The following SMG1 variants were observed in gnomAD, a reference collection of about 807,000 sequenced individuals.
The protein encoded by SMG1 is serine/threonine-protein kinase SMG1.
In SMG1, 22 loss-of-function variants were observed where a neutral mutation model predicts 419.9. The ratio of observed to expected loss-of-function variants is 0.05; its 90% CI spans 0.04 to 0.07. The LOEUF is 0.07. Among genes scored for constraint, SMG1 ranks in the 10% least tolerant of loss-of-function variants. SMG1 has a pLI of 1.00. For missense variants in SMG1, 3,185 were observed against 4,342.0 expected (o/e 0.73, Z 7.49); for synonymous variants, 1,538 against 1,553.5 (o/e 0.99, Z 0.23).
In SMG1 at chr16:18,869,168, G is replaced by T. The variant is rs1183808159; in HGVS notation, c.2769C>A (p.Phe923Leu). The change falls in exon 20 of 63, where the codon TTC becomes TTA. Residue 923 changes from phenylalanine to leucine, a missense_variant. Coordinates refer to ENST00000446231, the MANE Select transcript of SMG1 (RefSeq NM_015092.5). ...WQWAIWEAAQFTVLSKLRTPL... is the reference protein window; with the variant it reads ...WQWAIWEAAQLTVLSKLRTPL... ...GGGTTCTCAGCTTAGAAAGAACAGT[G>T]AATTGTGCAGCTTCCCATATGGCCC... is the stretch of plus-strand genomic sequence containing the variant. The T allele has an allele frequency of 6.2e-7, 1 of 1,611,566 alleles. No homozygotes were observed. The highest frequency in any genetic ancestry group is 8.5e-7 in the Non-Finnish European group (1 of 1,179,614).
chr16:18,827,741 TA>T (rs1239307121), intron 55 of SMG1, among the ~76,000 whole-genome samples: 4 of 145,162 alleles, frequency 2.8e-5, no homozygotes, highest in African/African-American at 5.0e-5. Flanking sequence ...CCAAAATATA[TA>T]TTTTTATATA....
In SMG1 at chr16:18,848,023, A is replaced by T. The variant is rs748189566; in HGVS notation, c.5634T>A (p.Phe1878Leu). 1.4e-5 allele frequency: 22 copies of T among 1,613,218 alleles called. No homozygotes were observed. The highest frequency in any genetic ancestry group is 1.9e-5 in the Non-Finnish European group (22 of 1,179,308). Residue 1878 changes from phenylalanine (F) to leucine (L), a missense_variant, in exon 37 of 63, where the codon TTT becomes TTA. Physicochemically the swap from Phe to Leu is conservative, Grantham distance 22. Transcript: ENST00000446231. ...CAAGTAAAGTTGGAATTGCAGTGGA[A>T]AATTTATTTCCTGTAATGAAATAGG... ...SSESQASGNK[F>L]STAIPTLLGN...
chr16:18,827,391 A>G (rs2032767025), intron 55 of SMG1, among the ~76,000 whole-genome samples: 1 of 149,492 alleles, frequency 6.7e-6, no homozygotes, highest in African/African-American at 2.5e-5. Context: ...GTGCCACTGC[A>G]CTCCAACCTG....
At position 18,838,546 on chromosome 16, in the gene SMG1, A is replaced by G; in HGVS notation, c.7084+5T>C. The G allele has an allele frequency of 6.2e-7, 1 of 1,613,760 alleles. No individual in the cohort carries two copies. Among genetic ancestry groups the G allele is most frequent in the Non-Finnish European group, 8.5e-7 (1 of 1,179,662 alleles). Reference sequence around the variant, plus strand: ...TCATAAATGTAAAGTCTACTTTTATATTACCTTTTTCAAAGCAAACATTGT... The same window carrying G: ...TCATAAATGTAAAGTCTACTTTTATGTTACCTTTTTCAAAGCAAACATTGT... On this transcript the variant is annotated splice_donor_5th_base_variant and intron_variant, in intron 43 of 62. Transcript: ENST00000446231.
At chr16:18,919,855 A>T (rs1257208721) in intron 1 of SMG1, among the ~76,000 whole-genome samples, 3 of 151,950 alleles carry the variant, frequency 2.0e-5, no homozygotes, top group Admixed American at 2.0e-4. Context: ...TAATCCCAGC[A>T]CTCTGAGAAG....
intron 19 of SMG1, among the ~76,000 whole-genome samples, 188 bp downstream of exon 19, chr16:18,869,664 ATT>A (rs1188367790): frequency 1.3e-5 from 2 of 151,956 alleles, no homozygotes; most frequent in Non-Finnish European, 2.9e-5. Context: ...TTCAAAGCCC[ATT>A]TTTGTTTCTA....
chr16:18,864,730 G>A lies in SMG1; in HGVS notation c.3351-586C>T, dbSNP rs543514864. 5.3e-5 allele frequency among the ~76,000 whole-genome samples: 8 copies of A among 152,194 alleles called. No homozygotes were observed. In the South Asian group the frequency reaches 1.7e-3, roughly 32 times the overall value. On this transcript the variant is annotated intron_variant, in intron 23 of 62. Coordinates refer to ENST00000446231, the MANE Select transcript of SMG1 (RefSeq NM_015092.5). ...GGACTCAAGCAATCCGCTCACCTCA[G>A]TCTCCCCAAGTACTGGGATTTCAGG...
chr16:18,812,212 G>A, intron 60 of SMG1, 85 bp from the exon 61 acceptor site: 1 of 1,279,660 alleles, frequency 7.8e-7, no homozygotes, highest in East Asian at 2.3e-5. Flanking sequence ...ATAGGTGGTA[G>A]TGGTTGATAC....
At position 18,849,104 on chromosome 16, in the gene SMG1, A is replaced by AAAC. The variant is rs1555493200; in HGVS notation, c.5623+110_5623+112dup. On this transcript the variant is annotated intron_variant, in intron 36 of 62. Transcript: ENST00000446231. ...AAAAAAAAAAAAAAAAAAAAAAAAA[A>AAAC]AACCCTACAAACTCTAACAACTCTG... The AAAC allele has an allele frequency of 4.2e-4, 110 of 262,630 alleles. 24 individuals are homozygous for AAAC. Among genetic ancestry groups the AAAC allele is most frequent in the Admixed American group, 8.4e-4 (12 of 14,308 alleles). The allele number at this position is 262,630 out of a possible 1,614,324, so 16.3% of individuals were successfully genotyped here.
intron 25 of SMG1, among the ~76,000 whole-genome samples, chr16:18,862,103 TTTC>T (rs1335167353): frequency 6.6e-6 from 1 of 152,144 alleles, no homozygotes; most frequent in Non-Finnish European, 1.5e-5. Flanking sequence ...ACCTCAAGCT[TTTC>T]ATTTTCAAAT....
intron 42 of SMG1, 28 bp downstream of exon 42, chr16:18,839,668 ACT>A (rs777484835): frequency 4.3e-6 from 7 of 1,612,794 alleles, no homozygotes; most frequent in Non-Finnish European, 5.9e-6. Flanking sequence ...AAATACTACT[ACT>A]GAGTATAGTC....
At chr16:18,877,493 G>T (rs1240357198) in intron 11 of SMG1, 1 of 326,478 alleles carries the variant, frequency 3.1e-6, no homozygotes, top group Admixed American at 4.4e-5. Flanking sequence ...GATTTTTAGG[G>T]AAGTGAAACT....
At chr16:18,811,727 TA>T in intron 62 of SMG1, 33 bp downstream of exon 62, 2 of 1,570,646 alleles carry the variant, frequency 1.3e-6, no homozygotes, top group Non-Finnish European at 1.8e-6. Flanking sequence ...CCAGCAGCAT[TA>T]AAATGTGTAG....
At chr16:18,851,018 G>C (rs974313435) in intron 33 of SMG1, among the ~76,000 whole-genome samples, 23 of 152,194 alleles carry the variant, frequency 1.5e-4, no homozygotes, top group African/African-American at 4.8e-4. Context: ...GCTTCTCAAA[G>C]TGCTGGAATT....
intron 1 of SMG1, among the ~76,000 whole-genome samples, chr16:18,923,076 T>C (rs192623629): frequency 3.4e-4 from 52 of 152,146 alleles, no homozygotes; most frequent in African/African-American, 1.1e-3. Context: ...CAAGACCCTG[T>C]TCTCAAAAAA....
At chr16:18,857,385 T>G (rs2034971422) in intron 29 of SMG1, 1 of 152,226 alleles carries the variant, frequency 6.6e-6, no homozygotes, top group Admixed American at 6.5e-5. Context: ...TCAATATTCA[T>G]AGCGCATTTT....
At chr16:18,924,159 C>T (rs949514256) in intron 1 of SMG1, among the ~76,000 whole-genome samples, 10 of 152,190 alleles carry the variant, frequency 6.6e-5, no homozygotes, top group African/African-American at 2.4e-4. Flanking sequence ...TTGTAAGCTC[C>T]TCCCTTCCCC....
chr16:18,835,214 A>G, intron 48 of SMG1, 50 bp from the exon 49 acceptor site: 1 of 1,521,618 alleles, frequency 6.6e-7, no homozygotes, highest in East Asian at 2.3e-5. Flanking sequence ...CACCCCCAAC[A>G]TACAAAAGAA....
At position 18,892,329 on chromosome 16, in the gene SMG1, C is replaced by A. The variant is rs1274529087; in HGVS notation, c.438G>T (p.Glu146Asp). ...SQERSMSYSD[E>D]SRLSNLLRRI... ...TCCGAAGAAGATTCGACAGTCGAGA[C>A]TCATCAGAATAAGACATCGATCTCT... is the stretch of plus-strand genomic sequence containing the variant. The change falls in exon 4 of 63, where the codon GAG (glutamate) becomes GAT (aspartate). Residue 146 changes from glutamate (E) to aspartate (D), a missense_variant. This residue lies in a region of SMG1 where 23 missense variants were observed against 20.5 expected (regional missense o/e 1.12). Transcript: ENST00000446231. 3.2e-6 allele frequency: 5 copies of A among 1,549,562 alleles called. No homozygotes were observed. The highest frequency in any genetic ancestry group is 4.4e-6 in the Non-Finnish European group (5 of 1,146,682).
Sources: gnomAD v4.1 joint callset for allele counts (sites outside exome capture counted in the v4.1 genomes callset) on GRCh38, gnomAD v4.1.1 for gene constraint, gnomAD v4.1.1 regional missense constraint, MANE v1.5 for transcripts, NCBI Gene and HGNC (gene_info 2026-07-23, HGNC 2026-07-21) for gene names.